Variants in PTPRQ observed in about 807,000 individuals in gnomAD.
PTPRQ encodes the protein phosphatidylinositol phosphatase PTPRQ.
In PTPRQ, 199 loss-of-function variants were observed where a neutral mutation model predicts 246.0. The observed-to-expected ratio is 0.81, with a 90% CI of 0.72 to 0.91. PTPRQ has a LOEUF of 0.91. Ranked by LOEUF, PTPRQ falls within the 40% of genes least tolerant of loss-of-function variation. The probability of loss-of-function intolerance (pLI) is 0.00; values close to 1 mark genes in which losing one functional copy is unlikely to be tolerated. For synonymous variants in PTPRQ, 869 were observed against 853.2 expected (o/e 1.02, Z -0.32); for missense variants, 2,624 against 2,528.4 (o/e 1.04, Z -0.81).
intron 27 of PTPRQ, among the ~76,000 whole-genome samples, chr12:80,609,919 GA>G (rs916984918): frequency 6.6e-6 from 1 of 150,580 alleles, no homozygotes; most frequent in East Asian, 1.9e-4. Context: ...GGGTAATGGT[GA>G]AAAAATATTG....
intron 25 of PTPRQ, among the ~76,000 whole-genome samples, chr12:80,554,082 G>GC (rs1358610002): frequency 6.6e-6 from 1 of 151,840 alleles, no homozygotes; most frequent in African/African-American, 2.4e-5. Context: ...AGGGGCAGGG[G>GC]GGGTAGGAAA....
At chr12:80,673,032 C>T in intron 42 of PTPRQ, 137 bp from the exon 43 acceptor site, 1 of 1,275,124 alleles carries the variant, frequency 7.8e-7, no homozygotes. Context: ...AATCCAAAGA[C>T]ACTCCAAAGA....
chr12:80,552,598 G>T (rs1246973961), intron 25 of PTPRQ, among the ~76,000 whole-genome samples: 1 of 127,222 alleles, frequency 7.9e-6, no homozygotes, highest in Non-Finnish European at 1.6e-5. Context: ...TGCACCTGAT[G>T]TAGAGCCACC....
chr12:80,619,473 C>T lies in PTPRQ; in HGVS notation c.5320C>T (p.Pro1774Ser), dbSNP rs1221153597. The T allele has an allele frequency of 6.5e-7, 1 of 1,547,804 alleles. No individual in the cohort carries two copies. Among genetic ancestry groups the T allele is most frequent in the Non-Finnish European group, 8.7e-7 (1 of 1,144,594 alleles). ...TTCAACAACAATTACAATCAGAATG[C>T]CAATATGTTACTACAGTGATGATCA... ...VTSTTITIRM[P>S]ICYYSDDHGP... The change falls in exon 31 of 45, where the codon CCA becomes TCA. Residue 1774 changes from proline to serine, a missense_variant. By Grantham distance (74) the Pro-to-Ser change is moderately conservative. Coordinates refer to ENST00000644991, the MANE Select transcript of PTPRQ (RefSeq NM_001145026.2).
At chr12:80,460,369 T>C (rs543973829) in intron 5 of PTPRQ, among the ~76,000 whole-genome samples, 9 of 152,324 alleles carry the variant, frequency 5.9e-5, no homozygotes, top group African/African-American at 1.9e-4. Context: ...ACATGAAGCT[T>C]AAAAATTCTT....
chr12:80,528,547 C>T (rs572869786), intron 17 of PTPRQ, among the ~76,000 whole-genome samples: 7 of 152,136 alleles, frequency 4.6e-5, no homozygotes, highest in African/African-American at 1.4e-4. Flanking sequence ...TGATCAGTTT[C>T]CTCTCCTGTT....
chr12:80,572,409 A>G lies in PTPRQ; in HGVS notation c.4286-15720A>G, dbSNP rs527521937. Among the ~76,000 whole-genome samples, 11 of 152,208 alleles carry G rather than the reference A, an allele frequency of 7.2e-5. No individual in the cohort carries two copies. In the Middle Eastern group the frequency reaches 0.01, roughly 141 times the overall value. On this transcript the variant is annotated intron_variant, in intron 25 of 44. Coordinates refer to ENST00000644991, the MANE Select transcript of PTPRQ (RefSeq NM_001145026.2). ...TTCTTAGTTCTGGAATGTTAAAAAA[A>G]TTTAAATAATATTCTATATTAAAAT...
intron 31 of PTPRQ, among the ~76,000 whole-genome samples, chr12:80,619,862 G>A (rs574962011): frequency 4.0e-4 from 61 of 151,474 alleles, no homozygotes; most frequent in Non-Finnish European, 6.5e-4. Flanking sequence ...TTTGATTTTG[G>A]TAAGATGGAA....
intron 25 of PTPRQ, among the ~76,000 whole-genome samples, chr12:80,580,595 G>A (rs1030084806): frequency 1.4e-4 from 22 of 152,174 alleles, no homozygotes; most frequent in African/African-American, 5.3e-4. Flanking sequence ...GTTACTGCTG[G>A]TCACTTATGA....
intron 33 of PTPRQ, among the ~76,000 whole-genome samples, chr12:80,624,176 G>T (rs991885750): frequency 6.6e-6 from 1 of 152,284 alleles, no homozygotes; most frequent in Middle Eastern, 3.4e-3. Context: ...GATGTGTAAT[G>T]AAGGACAGAG....
chr12:80,610,333 C>T, intron 27 of PTPRQ, 106 bp from the exon 28 acceptor site: 1 of 892,096 alleles, frequency 1.1e-6, no homozygotes, highest in Non-Finnish European at 1.5e-6. Flanking sequence ...TAAATAAATA[C>T]AAATTTGGCT....
chr12:80,474,700 G>A (rs988774709), intron 8 of PTPRQ, among the ~76,000 whole-genome samples: 1 of 152,132 alleles, frequency 6.6e-6, no homozygotes, highest in Non-Finnish European at 1.5e-5. Context: ...AGATAATGCT[G>A]ATGAATATAA....
At chr12:80,593,167 C>T (rs1897859493) in intron 26 of PTPRQ, among the ~76,000 whole-genome samples, 1 of 152,112 alleles carries the variant, frequency 6.6e-6, no homozygotes, top group African/African-American at 2.4e-5. Flanking sequence ...AAGTTGTACT[C>T]AAGCACTTAC....
intron 35 of PTPRQ, among the ~76,000 whole-genome samples, chr12:80,647,645 A>G (rs1348138616): frequency 1.3e-5 from 2 of 152,150 alleles, no homozygotes; most frequent in East Asian, 3.9e-4. Context: ...TCCCTTCCCC[A>G]AATCAAAGAT....
chr12:80,554,135 A>G (rs2120890312), intron 25 of PTPRQ, among the ~76,000 whole-genome samples: 1 of 152,276 alleles, frequency 6.6e-6, no homozygotes. Flanking sequence ...TAGAATGAAT[A>G]AGGTCTAGTA....
At chr12:80,478,546 C>T (rs980656692) in intron 8 of PTPRQ, among the ~76,000 whole-genome samples, 7 of 152,114 alleles carry the variant, frequency 4.6e-5, no homozygotes, top group African/African-American at 1.7e-4. Flanking sequence ...CTTTGACGAG[C>T]TGAGAGAAGC....
chr12:80,541,767 T>C lies in PTPRQ; in HGVS notation c.3367T>C (p.Leu1123=). The change falls in exon 21 of 45, where the codon TTA becomes CTA. Residue 1123 remains leucine (L), a synonymous_variant. Coordinates refer to ENST00000644991, the MANE Select transcript of PTPRQ (RefSeq NM_001145026.2). ...DNLEKYTDYI[L]KITPSTEKGF... ...TCTGGAAAAATACACTGATTATATA[T>C]TAAAAATTACTCCATCAACAGAAAA... 1 of 1,551,044 alleles carries C rather than the reference T, an allele frequency of 6.4e-7. No individual in the cohort carries two copies. Among genetic ancestry groups the C allele is most frequent in the South Asian group, 1.2e-5 (1 of 83,960 alleles).
chr12:80,505,972 T>C (rs1894944378), intron 14 of PTPRQ, 52 bp from the exon 15 acceptor site: 3 of 1,507,026 alleles, frequency 2.0e-6, no homozygotes, highest in Non-Finnish European at 2.7e-6. Context: ...TTCAGCAGAA[T>C]AGATTTTTAG....
intron 25 of PTPRQ, among the ~76,000 whole-genome samples, chr12:80,570,308 T>C (rs1391799425): frequency 3.3e-5 from 5 of 152,246 alleles, no homozygotes; most frequent in African/African-American, 1.2e-4. Flanking sequence ...CATTGTAGTT[T>C]GATTTGCATT....
Sources: allele counts gnomAD v4.1 joint callset (sites outside exome capture counted in the v4.1 genomes callset), GRCh38; gene constraint gnomAD v4.1.1; transcripts MANE v1.5; gene names NCBI Gene and HGNC (gene_info 2026-07-23, HGNC 2026-07-21).